Variants in POLR2E observed in about 807,000 individuals in gnomAD.
The protein encoded by POLR2E is RNA polymerase II, I and III subunit E.
Under a neutral mutation model 29.8 loss-of-function variants are expected in POLR2E, and 35 were observed. That is an observed-to-expected ratio of 1.17 (90% CI 0.90 to 1.55). POLR2E has a LOEUF of 1.55. POLR2E is among the 40% of genes most tolerant of loss of function. POLR2E has a pLI of 0.00. For missense variants in POLR2E, 287 were observed against 288.6 expected (o/e 0.99, Z 0.04); for synonymous variants, 174 against 112.6 (o/e 1.55, Z -3.45).
At chr19:1,090,856 C>G in intron 4 of POLR2E, 52 bp downstream of exon 4, 1 of 1,502,086 alleles carries the variant, frequency 6.7e-7, no homozygotes, top group Non-Finnish European at 9.2e-7. Flanking sequence ...CACCCACAAA[C>G]GCTGCATCTC....
intron 7 of POLR2E, 56 bp downstream of exon 7, chr19:1,089,416 G>A (rs868403102): frequency 1.7e-5 from 20 of 1,170,196 alleles, no homozygotes; most frequent in Middle Eastern, 2.1e-4. Context: ...ACCGACGGAG[G>A]GGACGACACC....
Position 1,090,091 on chromosome 19 carries a change from G to C in POLR2E, c.484C>G (p.Arg162Gly), listed in dbSNP as rs759797327. 20 of 1,612,184 alleles carry C rather than the reference G, an allele frequency of 1.2e-5. No individual in the cohort carries two copies. Among genetic ancestry groups the C allele is most frequent in the Non-Finnish European group, 4.2e-6 (5 of 1,179,726 alleles). Residue 162 changes from arginine (R) to glycine (G), a missense_variant, in exon 5 of 8, where the codon CGA (arginine) becomes GGA (glycine). Transcript: ENST00000615234. ...CGGTGGGGCTGGAAAGGATACTATCGGGCCAGCAGCTCTGTCACCTCCTCC... is the reference window on the plus strand; with the variant it reads ...CGGTGGGGCTGGAAAGGATACTATCCGGCCAGCAGCTCTGTCACCTCCTCC... ...TKEEVTELLA[R>G]YKLRENQLPR...
At chr19:1,093,587 GCCAGGA>G in intron 2 of POLR2E, 2 of 374,914 alleles carry the variant, frequency 5.3e-6, no homozygotes, top group Non-Finnish European at 8.7e-6. Context: ...GCACCCAACG[GCCAGGA>G]TGGGGGAGCC....
intron 4 of POLR2E, 90 bp from the exon 5 acceptor site, chr19:1,090,235 A>ACGGACAAGAGCCCTGAACC: frequency 8.9e-7 from 1 of 1,121,626 alleles, no homozygotes; most frequent in East Asian, 2.4e-5. Flanking sequence ...GCGCCTTCAG[A>ACGGACAAGAGCCCTGAACC]CGGACAAGAG....
intron 3 of POLR2E, among the ~76,000 whole-genome samples, chr19:1,091,213 G>T (rs900676499): frequency 6.6e-6 from 1 of 152,198 alleles, no homozygotes; most frequent in Non-Finnish European, 1.5e-5. Context: ...GTGGAAACTC[G>T]GATGTGTTTC....
rs1344496921 is a variant in POLR2E, at chr19:1,094,079, C to G, written c.58-1G>C. The G allele has an allele frequency of 6.2e-7, 1 of 1,605,462 alleles. No homozygotes were observed. The highest frequency in any genetic ancestry group is 8.5e-7 in the Non-Finnish European group (1 of 1,176,208). On this transcript the variant is annotated splice_acceptor_variant, in intron 1 of 7. Transcript: ENST00000615234. LOFTEE classifies it high-confidence loss of function. Reference sequence around the variant, plus strand: ...CCAGATAGCCACGGTCGTGGCACAGCTGCAGAGAGAAAGAACCAGCTGACC... The same window carrying G: ...CCAGATAGCCACGGTCGTGGCACAGGTGCAGAGAGAAAGAACCAGCTGACC...
chr19:1,094,070 G>A lies in POLR2E; in HGVS notation c.66C>T (p.His22=), dbSNP rs1326784871. 2 of 1,610,510 alleles carry A rather than the reference G, an allele frequency of 1.2e-6. No individual in the cohort carries two copies. The highest frequency in any genetic ancestry group is 1.7e-6 in the Non-Finnish European group (2 of 1,178,470). ...CCTGGGTCACCAGATAGCCACGGTC[G>A]TGGCACAGCTGCAGAGAGAAAGAAC... The part of the protein sequence containing the change: ...KIRKTIMQLC[H]DRGYLVTQDE... The change falls in exon 2 of 8, where the codon CAC becomes CAT. Residue 22 remains histidine (H), a synonymous_variant. Coordinates refer to ENST00000615234, the MANE Select transcript of POLR2E (RefSeq NM_002695.5).
intron 7 of POLR2E, among the ~76,000 whole-genome samples, chr19:1,089,236 G>A (rs2043775850): frequency 2.0e-5 from 3 of 152,200 alleles, no homozygotes; most frequent in South Asian, 2.1e-4. Context: ...GCGGAGAGAC[G>A]CACGCCCCGC....
rs935026518 is a variant in POLR2E, at chr19:1,090,224, T to C, written c.430-79A>G. The C allele has an allele frequency of 8.9e-6, 11 of 1,240,808 alleles. 1 individual carries two copies. The highest frequency in any genetic ancestry group is 1.3e-5 in the Non-Finnish European group (11 of 850,880). 76.9% of individuals were successfully genotyped at this position (1,240,808 alleles called of 1,614,324 possible). A position where few individuals can be genotyped will look rare whatever the true frequency, so the allele number is the denominator to read the frequency against. ...GGCTCCCAGGTGCCACCACAGCCCCTGCGCCTTCAGACGGACAAGAGCCCT... is the reference window on the plus strand; with the variant it reads ...GGCTCCCAGGTGCCACCACAGCCCCCGCGCCTTCAGACGGACAAGAGCCCT... On this transcript the variant is annotated intron_variant, in intron 4 of 7. Coordinates refer to ENST00000615234, the MANE Select transcript of POLR2E (RefSeq NM_002695.5).
intron 2 of POLR2E, among the ~76,000 whole-genome samples, chr19:1,093,532 C>A (rs551733608): frequency 1.3e-5 from 2 of 152,226 alleles, no homozygotes; most frequent in Admixed American, 1.3e-4. Context: ...GGAGGCTGCG[C>A]TGACCCAGAC....
intron 1 of POLR2E, 88 bp downstream of exon 1, chr19:1,095,171 G>T: frequency 5.1e-6 from 7 of 1,359,680 alleles, no homozygotes; most frequent in Non-Finnish European, 7.3e-6. Flanking sequence ...GCTCCGACGA[G>T]AGTACGAGGA....
At chr19:1,092,216 G>A (rs1001625714) in intron 2 of POLR2E, 6 of 318,122 alleles carry the variant, frequency 1.9e-5, no homozygotes, top group Non-Finnish European at 3.7e-5. Flanking sequence ...CTGGGGAGGC[G>A]GGTGACTCAG....
chr19:1,089,501 G>A lies in POLR2E; in HGVS notation c.618C>T (p.Tyr206=), dbSNP rs765106012. The A allele has an allele frequency of 1.2e-6, 2 of 1,613,412 alleles. No individual in the cohort carries two copies. The highest frequency in any genetic ancestry group is 1.7e-6 in the Non-Finnish European group (2 of 1,179,614). ...CAGGCGGTAGCTACTGCACCAGCCG[G>A]TAGGTGATGTACCTGCCAGCCGTCT... ...PSETAGRYIT[Y]RLVQ The change falls in exon 7 of 8, where the codon TAC becomes TAT. Residue 206 remains tyrosine (Y), a synonymous_variant. Coordinates refer to ENST00000615234, the MANE Select transcript of POLR2E (RefSeq NM_002695.5).
rs916912111 is a variant in POLR2E at position 1,095,330 on chromosome 19, C to A, written c.-15G>T. Reference sequence around the variant, plus strand: ...TCGTCGTCCATGGCAGCCTCCGCCGCCGCCGCCGCTCGCACCCCTTCTCCG... The same window carrying A: ...TCGTCGTCCATGGCAGCCTCCGCCGACGCCGCCGCTCGCACCCCTTCTCCG... On this transcript the variant is annotated 5_prime_UTR_variant, in exon 1 of 8. Transcript: ENST00000615234. The A allele has an allele frequency of 3.3e-5, 54 of 1,612,324 alleles. No individual in the cohort carries two copies. The highest frequency in any genetic ancestry group is 4.2e-5 in the Non-Finnish European group (50 of 1,179,554).
At chr19:1,090,307 A>G (rs773831512) in intron 4 of POLR2E, among the ~76,000 whole-genome samples, 162 bp from the exon 5 acceptor site, 6 of 141,712 alleles carry the variant, frequency 4.2e-5, no homozygotes, top group Non-Finnish European at 9.3e-5. Flanking sequence ...CTGGCTCCAC[A>G]GGCGGGGGAC....
intron 3 of POLR2E, chr19:1,091,403 C>T (rs1017145353): frequency 2.5e-5 from 9 of 362,422 alleles, no homozygotes; most frequent in South Asian, 9.1e-5. Context: ...GACAGACAGA[C>T]GGGGAACACG....
Position 1,090,140 on chromosome 19 carries a change from G to A in POLR2E, c.435C>T (p.Val145=). ...LLINITEHEL[V]PEHVVMTKEE... Reference sequence around the variant, plus strand: ...CCTTGGTCATGACGACGTGCTCAGGGACTAGCTGCCGAGAGAGGAAGCCAC... The same window carrying A: ...CCTTGGTCATGACGACGTGCTCAGGAACTAGCTGCCGAGAGAGGAAGCCAC... Residue 145 remains valine (V), a synonymous_variant, in exon 5 of 8, where the codon GTC becomes GTT. Transcript: ENST00000615234. 2.5e-6 allele frequency: 4 copies of A among 1,612,572 alleles called. No homozygotes were observed. The highest frequency in any genetic ancestry group is 3.4e-6 in the Non-Finnish European group (4 of 1,179,918).
rs2043920497 is a variant in POLR2E at position 1,095,374 on chromosome 19, C to G, written c.-59G>C. On this transcript the variant is annotated 5_prime_UTR_variant, in exon 1 of 8. Transcript: ENST00000615234. ...TTCTCCGCGCGAGAACCCGCGCGGA[C>G]TGCGCCTGCGCCGAATCCGAATCAG... 1.2e-6 allele frequency: 2 copies of G among 1,600,320 alleles called. No individual in the cohort carries two copies. The highest frequency in any genetic ancestry group is 1.7e-5 in the Admixed American group (1 of 59,816).
At chr19:1,094,930 C>G in intron 1 of POLR2E, 1 of 417,872 alleles carries the variant, frequency 2.4e-6, no homozygotes, top group Non-Finnish European at 4.3e-6. Flanking sequence ...GACGCTGAAT[C>G]ACAGAGAAGG....
Sources: allele counts gnomAD v4.1 joint callset (sites outside exome capture counted in the v4.1 genomes callset), GRCh38; gene constraint gnomAD v4.1.1; transcripts MANE v1.5; gene names NCBI Gene and HGNC (gene_info 2026-07-23, HGNC 2026-07-21).